The following SEC14L5 variants were observed in gnomAD, a reference collection of about 807,000 sequenced individuals.
The protein encoded by SEC14L5 is SEC14-like protein 5.
SEC14L5 carries 96 observed loss-of-function variants against 84.6 expected under a neutral mutation model. The observed-to-expected ratio is 1.13, with a 90% CI of 0.96 to 1.34. The LOEUF (loss-of-function observed/expected upper bound fraction) is 1.34, where lower values mean the gene tolerates loss of function less well. Among genes scored for constraint, SEC14L5 ranks in the 40% most tolerant of loss-of-function variants. SEC14L5 has a pLI of 0.00. For missense variants in SEC14L5, 1,224 were observed against 942.5 expected (o/e 1.30, Z -3.91); for synonymous variants, 546 against 383.4 (o/e 1.42, Z -4.95).
chr16:4,971,986 G>A (rs1273343465), intron 2 of SEC14L5, among the ~76,000 whole-genome samples: 1 of 151,754 alleles, frequency 6.6e-6, no homozygotes, highest in Non-Finnish European at 1.5e-5. Flanking sequence ...CATGACAAAT[G>A]CTTCTGATAG....
intron 14 of SEC14L5, among the ~76,000 whole-genome samples, chr16:5,009,498 A>AT (rs1955775283): frequency 6.6e-6 from 1 of 151,792 alleles, no homozygotes; most frequent in Non-Finnish European, 1.5e-5. Flanking sequence ...TAACTTTTGT[A>AT]TTTTTTGTAG....
At chr16:5,007,653 T>C (rs986422926) in intron 13 of SEC14L5, among the ~76,000 whole-genome samples, 167 bp downstream of exon 13, 6 of 149,982 alleles carry the variant, frequency 4.0e-5, no homozygotes, top group Non-Finnish European at 5.9e-5. Flanking sequence ...TTGCCCAGGC[T>C]GGAGTGCAGT....
intron 2 of SEC14L5, among the ~76,000 whole-genome samples, chr16:4,975,791 G>A (rs1332728080): frequency 2.6e-5 from 4 of 152,114 alleles, no homozygotes; most frequent in Non-Finnish European, 4.4e-5. Context: ...GGGTTGATAG[G>A]GAGACTCCTG....
chr16:5,009,967 T>C (rs147542491), intron 14 of SEC14L5, among the ~76,000 whole-genome samples: 3 of 151,794 alleles, frequency 2.0e-5, no homozygotes, highest in Non-Finnish European at 4.4e-5. Flanking sequence ...TTAGTTTGGA[T>C]AGAAGGGGAG....
chr16:4,965,417 T>C (rs1191951939), intron 2 of SEC14L5, among the ~76,000 whole-genome samples: 3 of 152,108 alleles, frequency 2.0e-5, no homozygotes, highest in East Asian at 3.9e-4. Flanking sequence ...ATCCCAGCAC[T>C]TTAGGAGGCC....
chr16:4,966,814 C>T (rs1001516068), intron 2 of SEC14L5, among the ~76,000 whole-genome samples: 6 of 152,306 alleles, frequency 3.9e-5, no homozygotes, highest in Admixed American at 2.0e-4. Context: ...ACTGAGCTGG[C>T]GTCTGGGCCA....
chr16:5,007,424 C>G lies in SEC14L5; in HGVS notation c.1510C>G (p.Gln504Glu), dbSNP rs373334625. The G allele has an allele frequency of 6.2e-7, 1 of 1,613,874 alleles. No homozygotes were observed. Among genetic ancestry groups the G allele is most frequent in the Non-Finnish European group, 8.5e-7 (1 of 1,179,846 alleles). ...AGAAGAGGAGCAGGAGCACACGGAC[C>G]AGCTGTGGCAGTGGAGTGAGACCTA... Reference protein sequence around the residue: ...MTEEEQEHTDQLWQWSETYHS... With the variant: ...MTEEEQEHTDELWQWSETYHS... The change falls in exon 13 of 16, where the codon CAG becomes GAG. Residue 504 changes from glutamine to glutamate, a missense_variant. Transcript: ENST00000251170.
intron 8 of SEC14L5, among the ~76,000 whole-genome samples, chr16:4,997,442 A>C (rs377653427): frequency 1.1e-4 from 17 of 151,936 alleles, no homozygotes; most frequent in African/African-American, 4.1e-4. Flanking sequence ...ACATCTTACT[A>C]TTTTTCCTTT....
intron 15 of SEC14L5, among the ~76,000 whole-genome samples, chr16:5,014,002 A>G (rs905924194): frequency 1.8e-4 from 28 of 152,220 alleles, no homozygotes; most frequent in Admixed American, 7.2e-4. Context: ...GAGGTTCTGC[A>G]TCTCTAACAA....
intron 10 of SEC14L5, among the ~76,000 whole-genome samples, chr16:5,002,684 G>T (rs530059932): frequency 1.3e-5 from 2 of 152,108 alleles, no homozygotes; most frequent in Admixed American, 6.6e-5. Flanking sequence ...GGAGGTGGAG[G>T]CTCCCGGGCA....
intron 15 of SEC14L5, among the ~76,000 whole-genome samples, chr16:5,014,403 C>T (rs993205650): frequency 6.6e-6 from 1 of 152,244 alleles, no homozygotes; most frequent in Non-Finnish European, 1.5e-5. Context: ...AAAGAAAGTT[C>T]TCGAGGATGG....
At chr16:4,992,129 G>A (rs1413174299) in intron 6 of SEC14L5, 99 bp downstream of exon 6, 23 of 821,194 alleles carry the variant, frequency 2.8e-5, no homozygotes, top group East Asian at 8.6e-5. Context: ...ATTGCCTGCC[G>A]TCCCCCCTGG....
intron 2 of SEC14L5, among the ~76,000 whole-genome samples, chr16:4,961,185 A>G (rs1312386112): frequency 1.3e-5 from 2 of 152,100 alleles, no homozygotes; most frequent in East Asian, 3.9e-4. Context: ...AAGCAGGAGA[A>G]TCTCTTGAAC....
chr16:4,962,383 G>C (rs575407740), intron 2 of SEC14L5, among the ~76,000 whole-genome samples: 1 of 151,936 alleles, frequency 6.6e-6, no homozygotes, highest in Admixed American at 6.6e-5. Context: ...TGAAAAAAAG[G>C]CTTTCAAATC....
At chr16:4,999,535 G>A (rs181615462) in intron 8 of SEC14L5, among the ~76,000 whole-genome samples, 4 of 152,072 alleles carry the variant, frequency 2.6e-5, no homozygotes, top group Non-Finnish European at 4.4e-5. Context: ...TGGGAGGATT[G>A]TTTAAGCTGG....
At chr16:5,013,899 C>T (rs183832627) in intron 15 of SEC14L5, among the ~76,000 whole-genome samples, 2 of 151,878 alleles carry the variant, frequency 1.3e-5, no homozygotes, top group Non-Finnish European at 2.9e-5. Context: ...CACTATTTTG[C>T]CCAGGCTGGT....
At chr16:4,961,549 G>A (rs546270255) in intron 2 of SEC14L5, among the ~76,000 whole-genome samples, 67 of 152,208 alleles carry the variant, frequency 4.4e-4, no homozygotes, top group African/African-American at 1.5e-3. Flanking sequence ...CGCTGGTCTC[G>A]AACTGCTGAC....
intron 2 of SEC14L5, among the ~76,000 whole-genome samples, chr16:4,982,345 G>A (rs1568120038): frequency 6.6e-6 from 1 of 152,182 alleles, no homozygotes; most frequent in African/African-American, 2.4e-5. Context: ...CAGGCGCTAG[G>A]AGCAGACCCC....
rs576151444 is a variant in SEC14L5, at chr16:5,016,732, T to C, written c.*1762T>C. The C allele has an allele frequency of 2.0e-5, 3 of 152,276 alleles. No individual in the cohort carries two copies. In the South Asian group the frequency reaches 6.2e-4, roughly 32 times the overall value. The allele number at this position is 152,276 out of a possible 1,614,324, so 9.4% of individuals were successfully genotyped here. On this transcript the variant is annotated 3_prime_UTR_variant, in exon 16 of 16. Coordinates refer to ENST00000251170, the MANE Select transcript of SEC14L5 (RefSeq NM_014692.2). Reference sequence around the variant, plus strand: ...CTCAGCAATGCAGGGCCAGGAAACTTATATCTACGCCAGCCTCAACCCCAA... The same window carrying C: ...CTCAGCAATGCAGGGCCAGGAAACTCATATCTACGCCAGCCTCAACCCCAA...
Sources: gnomAD v4.1 joint callset for allele counts (sites outside exome capture counted in the v4.1 genomes callset) on GRCh38, gnomAD v4.1.1 for gene constraint, MANE v1.5 for transcripts, NCBI Gene and HGNC (gene_info 2026-07-23, HGNC 2026-07-21) for gene names.